The following HEMK2 variants were observed in gnomAD, a reference collection of about 807,000 sequenced individuals.
HEMK2 encodes the protein methyltransferase HEMK2.
chr21:28,622,729 A>T, the HEMK2 span, among the ~76,000 whole-genome samples: 2 of 152,128 alleles, frequency 1.3e-5, no homozygotes, highest in African/African-American at 4.8e-5. Context: ...AAGCAATGGG[A>T]AAAGGATTCC....
the HEMK2 span, among the ~76,000 whole-genome samples, chr21:28,580,385 G>A: frequency 6.6e-6 from 1 of 152,250 alleles, no homozygotes; most frequent in African/African-American, 2.4e-5. Context: ...TGCAGCCTGG[G>A]AGAAGGGCTA....
the HEMK2 span, among the ~76,000 whole-genome samples, chr21:28,620,680 TTTTTTTTTTTTG>T: frequency 8.5e-6 from 1 of 117,228 alleles, no homozygotes. Flanking sequence ...TTTTTTTTTT[TTTTTTTTTTTTG>T]AGACAGAGTC....
the HEMK2 span, among the ~76,000 whole-genome samples, chr21:28,831,279 C>G: frequency 6.6e-6 from 1 of 151,338 alleles, no homozygotes; most frequent in Admixed American, 6.6e-5. Flanking sequence ...ACCCCCGTCT[C>G]TACTAAAAAT....
chr21:28,769,860 G>A, the HEMK2 span, among the ~76,000 whole-genome samples: 1 of 152,016 alleles, frequency 6.6e-6, no homozygotes, highest in African/African-American at 2.4e-5. Flanking sequence ...TTTCTAAATG[G>A]GCTTCCTTTG....
chr21:28,766,078 C>T, the HEMK2 span, among the ~76,000 whole-genome samples: 1 of 152,058 alleles, frequency 6.6e-6, no homozygotes, highest in Non-Finnish European at 1.5e-5. Flanking sequence ...ACCACATGTT[C>T]TCACTCATAA....
At chr21:28,679,657 A>T in the HEMK2 span, among the ~76,000 whole-genome samples, 17 of 152,298 alleles carry the variant, frequency 1.1e-4, no homozygotes, top group African/African-American at 3.9e-4. Flanking sequence ...GAAGCAAAGC[A>T]CTCCTCAGCA....
chr21:28,630,280 C>T, the HEMK2 span, among the ~76,000 whole-genome samples: 1 of 152,076 alleles, frequency 6.6e-6, no homozygotes, highest in Non-Finnish European at 1.5e-5. Context: ...CAGGAAACAA[C>T]AGGTGCTGGA....
the HEMK2 span, among the ~76,000 whole-genome samples, chr21:28,628,953 T>G: frequency 1.9e-4 from 29 of 152,274 alleles, no homozygotes; most frequent in African/African-American, 7.0e-4. Flanking sequence ...TCCCAAAATA[T>G]TAGTTAAAGT....
chr21:28,832,970 T>C, the HEMK2 span, among the ~76,000 whole-genome samples: 1 of 152,224 alleles, frequency 6.6e-6, no homozygotes, highest in African/African-American at 2.4e-5. Flanking sequence ...CTTTAACACA[T>C]TATCTCATTT....
the HEMK2 span, among the ~76,000 whole-genome samples, chr21:28,676,139 TAACA>T: frequency 3.9e-5 from 6 of 152,194 alleles, no homozygotes; most frequent in African/African-American, 1.4e-4. Flanking sequence ...AGGGCTGCCA[TAACA>T]AACTACCACA....
chr21:28,734,426 T>C, the HEMK2 span, among the ~76,000 whole-genome samples: 4 of 152,238 alleles, frequency 2.6e-5, no homozygotes, highest in African/African-American at 9.6e-5. Context: ...TAATATTTTA[T>C]TTATAATTTG....
At chr21:28,839,115 G>A in the HEMK2 span, among the ~76,000 whole-genome samples, 261 of 149,428 alleles carry the variant, frequency 1.7e-3, 3 homozygotes, top group African/African-American at 5.9e-3. Context: ...AATTAAAAAC[G>A]AAAATCACAT....
the HEMK2 span, among the ~76,000 whole-genome samples, chr21:28,848,875 GC>G: frequency 6.6e-6 from 1 of 152,142 alleles, no homozygotes; most frequent in Non-Finnish European, 1.5e-5. Context: ...CCCAGTCACT[GC>G]CAGTGTGAGT....
At chr21:28,716,059 T>C in the HEMK2 span, among the ~76,000 whole-genome samples, 1 of 152,226 alleles carries the variant, frequency 6.6e-6, no homozygotes, top group South Asian at 2.1e-4. Context: ...CAGTTTAGTT[T>C]GAAATTGAGT....
chr21:28,788,576 A>G, the HEMK2 span, among the ~76,000 whole-genome samples: 18 of 152,210 alleles, frequency 1.2e-4, no homozygotes, highest in African/African-American at 2.6e-4. Context: ...GGTGCAGCGT[A>G]TAACTGCTCG....
At chr21:28,792,456 G>A in the HEMK2 span, among the ~76,000 whole-genome samples, 1 of 152,176 alleles carries the variant, frequency 6.6e-6, no homozygotes, top group South Asian at 2.1e-4. Context: ...CCACAAGTGA[G>A]AGGGATGAGA....
At chr21:28,616,146 T>G in the HEMK2 span, among the ~76,000 whole-genome samples, 2 of 152,184 alleles carry the variant, frequency 1.3e-5, no homozygotes, top group Non-Finnish European at 2.9e-5. Flanking sequence ...CAGATCAAAT[T>G]GTCTAGACAT....
chr21:28,798,323 C>T, the HEMK2 span, among the ~76,000 whole-genome samples: 33 of 152,186 alleles, frequency 2.2e-4, no homozygotes, highest in African/African-American at 7.7e-4. Context: ...ATACTTTTTT[C>T]GCATGGTAAC....
chr21:28,599,590 C>T, the HEMK2 span, among the ~76,000 whole-genome samples: 1 of 152,116 alleles, frequency 6.6e-6, no homozygotes, highest in African/African-American at 2.4e-5. Flanking sequence ...TTTCATTCTG[C>T]CCATAGCCCC....
Sources: gnomAD v4.1 joint callset for allele counts (sites outside exome capture counted in the v4.1 genomes callset) on GRCh38, gnomAD v4.1.1 for gene constraint, MANE v1.5 for transcripts, NCBI Gene and HGNC (gene_info 2026-07-23, HGNC 2026-07-21) for gene names.